The following GRIA4 variants were observed in gnomAD, a reference collection of about 807,000 sequenced individuals.
The protein encoded by GRIA4 is glutamate receptor 4.
A neutral mutation model predicts 104.0 loss-of-function variants in GRIA4; 34 were observed. That is an observed-to-expected ratio of 0.33 (90% CI 0.25 to 0.44). The LOEUF (loss-of-function observed/expected upper bound fraction) is 0.44. Among genes scored for constraint, GRIA4 ranks in the 20% least tolerant of loss-of-function variants. GRIA4 has a pLI of 1.00. For synonymous variants in GRIA4, 386 were observed against 381.9 expected, an observed-to-expected ratio of 1.01 and a Z score of -0.13; for missense variants, 750 against 1,096.5, an observed-to-expected ratio of 0.68 and a Z score of 4.46.
rs185265341 is a variant in GRIA4, at chr11:105,641,340, C to G, written c.247+28906C>G. 2.0e-5 allele frequency among the ~76,000 whole-genome samples: 3 copies of G among 152,246 alleles called. No individual in the cohort carries two copies. In the East Asian group the frequency reaches 5.8e-4, roughly 29 times the overall value. On this transcript the variant is annotated intron_variant, in intron 3 of 16. Coordinates refer to ENST00000282499, the MANE Select transcript of GRIA4 (RefSeq NM_000829.4). ...CTATTGCATTCAATTTTTGCCGTCA[C>G]TCACCATAGCCACTATCTTCTCAGC...
chr11:105,738,681 C>T (rs540435494), intron 3 of GRIA4, among the ~76,000 whole-genome samples: 1 of 152,128 alleles, frequency 6.6e-6, no homozygotes, highest in African/African-American at 2.4e-5. Flanking sequence ...CCTCCAATGA[C>T]GGAATGCTTT....
intron 4 of GRIA4, among the ~76,000 whole-genome samples, chr11:105,782,815 G>C (rs540958268): frequency 1.3e-5 from 2 of 152,256 alleles, no homozygotes; most frequent in South Asian, 4.1e-4. Context: ...GCTATAAGAA[G>C]GTCAAGGGCT....
intron 3 of GRIA4, among the ~76,000 whole-genome samples, chr11:105,631,683 C>A (rs1951039230): frequency 6.6e-6 from 1 of 152,084 alleles, no homozygotes; most frequent in Non-Finnish European, 1.5e-5. Flanking sequence ...CTGTGCCACA[C>A]ACTTTATTGA....
At chr11:105,708,738 T>C (rs1046327723) in intron 3 of GRIA4, among the ~76,000 whole-genome samples, 2 of 151,954 alleles carry the variant, frequency 1.3e-5, no homozygotes, top group African/African-American at 4.8e-5. Context: ...TTCCCACTGT[T>C]GGAGAGAGAA....
chr11:105,699,510 T>C (rs1256596679), intron 3 of GRIA4, among the ~76,000 whole-genome samples: 1 of 152,218 alleles, frequency 6.6e-6, no homozygotes, highest in Non-Finnish European at 1.5e-5. Context: ...TTCAGTCCGT[T>C]CTGCCAGAAG....
At chr11:105,794,021 G>A (rs1209141392) in intron 4 of GRIA4, among the ~76,000 whole-genome samples, 1 of 151,978 alleles carries the variant, frequency 6.6e-6, no homozygotes, top group East Asian at 1.9e-4. Flanking sequence ...ACTCACAGAA[G>A]GAAGAATTGC....
intron 7 of GRIA4, 47 bp downstream of exon 7, chr11:105,898,474 T>A: frequency 8.7e-7 from 1 of 1,151,484 alleles, no homozygotes; most frequent in Non-Finnish European, 1.3e-6. Flanking sequence ...TTTCAAAATT[T>A]AAGATGAAAA....
intron 14 of GRIA4, among the ~76,000 whole-genome samples, chr11:105,948,555 A>C (rs1948373979): frequency 1.3e-5 from 2 of 149,568 alleles, no homozygotes; most frequent in South Asian, 4.2e-4. Context: ...GTAACAGAAT[A>C]ATTTTTCTTT....
chr11:105,844,467 A>T (rs1231220392), intron 4 of GRIA4, among the ~76,000 whole-genome samples: 3 of 152,208 alleles, frequency 2.0e-5, no homozygotes, highest in African/African-American at 7.2e-5. Context: ...CCAGACCCTA[A>T]ATGCCCTTGC....
At chr11:105,875,189 T>C (rs544715107) in intron 5 of GRIA4, among the ~76,000 whole-genome samples, 1 of 152,338 alleles carries the variant, frequency 6.6e-6, no homozygotes, top group African/African-American at 2.4e-5. Flanking sequence ...TTTTTGTTAT[T>C]GGTTCTGTTT....
At position 105,938,045 on chromosome 11, in the gene GRIA4, A is replaced by G. The variant is rs79434827; in HGVS notation, c.2294+4076A>G. On this transcript the variant is annotated intron_variant, in intron 14 of 16. Coordinates refer to ENST00000282499, the MANE Select transcript of GRIA4 (RefSeq NM_000829.4). ...ATTGGACTTTTCCTTTCAGTATTGA[A>G]CAAAACTACTGGCCTCATAAGACAC... 7.8e-3 allele frequency among the ~76,000 whole-genome samples: 1,181 copies of G among 152,316 alleles called. 8 individuals are homozygous for G. The highest frequency in any genetic ancestry group is 0.013 in the Non-Finnish European group (904 of 68,018).
At chr11:105,723,664 A>G (rs1937990717) in intron 3 of GRIA4, among the ~76,000 whole-genome samples, 1 of 152,078 alleles carries the variant, frequency 6.6e-6, no homozygotes, top group South Asian at 2.1e-4. Context: ...CACTGGAGAG[A>G]GAACTAATCA....
chr11:105,900,692 G>A (rs930934808), intron 7 of GRIA4, among the ~76,000 whole-genome samples: 1 of 151,992 alleles, frequency 6.6e-6, no homozygotes, highest in Non-Finnish European at 1.5e-5. Context: ...GCGTTCAAGC[G>A]ATTCTCGTGC....
Position 105,755,783 on chromosome 11 carries a change from G to A in GRIA4, c.487+2563G>A, listed in dbSNP as rs77299167. Among the ~76,000 whole-genome samples the A allele has an allele frequency of 3.8e-3, 582 of 152,298 alleles. 8 individuals carry two copies. The highest frequency in any genetic ancestry group is 0.013 in the African/African-American group (541 of 41,572). ...TAAATAGAACAAAAATTTGGTGGAAGGGTAAATTTGTTCTCTGTGCTTGAG... is the reference window on the plus strand; with the variant it reads ...TAAATAGAACAAAAATTTGGTGGAAAGGTAAATTTGTTCTCTGTGCTTGAG... On this transcript the variant is annotated intron_variant, in intron 4 of 16. Transcript: ENST00000282499.
At chr11:105,765,276 A>G (rs1940879395) in intron 4 of GRIA4, among the ~76,000 whole-genome samples, 1 of 152,224 alleles carries the variant, frequency 6.6e-6, no homozygotes, top group Non-Finnish European at 1.5e-5. Flanking sequence ...ATATAGAGAA[A>G]TACTCCTATT....
chr11:105,911,327 C>T (rs368740044), intron 10 of GRIA4, among the ~76,000 whole-genome samples: 1 of 151,892 alleles, frequency 6.6e-6, no homozygotes, highest in Non-Finnish European at 1.5e-5. Flanking sequence ...TTTTTCTCTT[C>T]TAAAGTCAAA....
rs113948495 is a variant in GRIA4 at position 105,644,356 on chromosome 11, G to A, written c.247+31922G>A. Among the ~76,000 whole-genome samples the A allele has an allele frequency of 4.7e-3, 718 of 151,718 alleles. 9 individuals carry two copies. Among genetic ancestry groups the A allele is most frequent in the African/African-American group, 0.017 (685 of 41,328 alleles). On this transcript the variant is annotated intron_variant, in intron 3 of 16. Transcript: ENST00000282499. ...GCCTGTAATCCCAGCACTTTGGGAC[G>A]CCAAGGTGGGGAACTGCTTGAGATC...
rs1301133661 is a variant in GRIA4 at position 105,933,913 on chromosome 11, A to C, written c.2238A>C (p.Gly746=). 1 of 1,613,384 alleles carries C rather than the reference A, an allele frequency of 6.2e-7. No homozygotes were observed. Residue 746 remains glycine (G), a synonymous_variant, in exon 14 of 17, where the codon GGA becomes GGC. Transcript: ENST00000282499. Reference sequence around the variant, plus strand: ...AGCCATGTGACACGATGAAAGTGGGAGGAAATCTGGATTCCAAAGGCTATG... The same window carrying C: ...AGCCATGTGACACGATGAAAGTGGGCGGAAATCTGGATTCCAAAGGCTATG... ...QRKPCDTMKV[G]GNLDSKGYGV...
chr11:105,917,844 G>GTGTGTGTGTA (rs1947454216), intron 10 of GRIA4, among the ~76,000 whole-genome samples: 1 of 151,542 alleles, frequency 6.6e-6, no homozygotes, highest in African/African-American at 2.4e-5. Flanking sequence ...GTGTGTGTGT[G>GTGTGTGTGTA]TGTGTGTGTG....
Sources: gnomAD v4.1 joint callset for allele counts (sites outside exome capture counted in the v4.1 genomes callset) on GRCh38, gnomAD v4.1.1 for gene constraint, MANE v1.5 for transcripts, NCBI Gene and HGNC (gene_info 2026-07-23, HGNC 2026-07-21) for gene names.